The following NXPH4 variants were observed in gnomAD, a reference collection of about 807,000 sequenced individuals.
NXPH4 encodes neurexophilin-4.
Under a neutral mutation model 21.3 loss-of-function variants are expected in NXPH4, and 8 were observed. The ratio of observed to expected loss-of-function variants is 0.38; its 90% CI spans 0.22 to 0.68. The LOEUF is 0.68. Among genes scored for constraint, NXPH4 ranks in the 30% least tolerant of loss-of-function variants. The pLI, the probability that NXPH4 is intolerant of heterozygous loss-of-function variation, is 0.53. For synonymous variants in NXPH4, 219 were observed against 192.6 expected (o/e 1.14, Z -1.13); for missense variants, 418 against 416.8 (o/e 1.00, Z -0.03).
chr12:57,218,840 T>C (rs1043067421), intron 1 of NXPH4, among the ~76,000 whole-genome samples: 2 of 152,194 alleles, frequency 1.3e-5, no homozygotes, highest in African/African-American at 4.8e-5. Flanking sequence ...TGTTTGTGTG[T>C]CCAAATACCT....
In NXPH4 at chr12:57,225,826, G is replaced by A. The variant is rs1158379656; in HGVS notation, c.*79G>A. On this transcript the variant is annotated 3_prime_UTR_variant, in exon 2 of 2. Coordinates refer to ENST00000349394, the MANE Select transcript of NXPH4 (RefSeq NM_007224.4). ...GGGACCCCCTTCCCAGTGTTCTGCC[G>A]CTCCTGTGGCCATGTCGCCCACTCC... is the stretch of plus-strand genomic sequence containing the variant. 7 of 1,534,808 alleles carry A rather than the reference G, an allele frequency of 4.6e-6. No individual in the cohort carries two copies. The highest frequency in any genetic ancestry group is 1.4e-5 in the African/African-American group (1 of 72,804).
chr12:57,225,008 G>A lies in NXPH4; in HGVS notation c.188G>A (p.Arg63His). 1.3e-6 allele frequency: 2 copies of A among 1,493,188 alleles called. No homozygotes were observed. The highest frequency in any genetic ancestry group is 1.8e-6 in the Non-Finnish European group (2 of 1,121,218). The allele number at this position is 1,493,188 out of a possible 1,614,324, so 92.5% of individuals were successfully genotyped here. The change falls in exon 2 of 2, where the codon CGC (arginine) becomes CAC (histidine). Residue 63 changes from arginine to histidine, a missense_variant. Arg to His is a conservative substitution (Grantham distance 29). Transcript: ENST00000349394. ...PRSSDGLGVG[R>H]AWSWAWPTNH... ...TCTTCGGACGGCCTAGGCGTGGGCC[G>A]CGCCTGGAGCTGGGCCTGGCCGACC...
chr12:57,225,007 C>G lies in NXPH4; in HGVS notation c.187C>G (p.Arg63Gly). 6.7e-7 allele frequency: 1 copy of G among 1,495,518 alleles called. No homozygotes were observed. The highest frequency in any genetic ancestry group is 8.9e-7 in the Non-Finnish European group (1 of 1,122,628). 92.6% of individuals were successfully genotyped at this position (1,495,518 alleles called of 1,614,324 possible). The change falls in exon 2 of 2, where the codon CGC becomes GGC. Residue 63 changes from arginine to glycine, a missense_variant. Transcript: ENST00000349394. ...GTCTTCGGACGGCCTAGGCGTGGGC[C>G]GCGCCTGGAGCTGGGCCTGGCCGAC... ...PRSSDGLGVGRAWSWAWPTNH... is the reference protein window; with the variant it reads ...PRSSDGLGVGGAWSWAWPTNH...
chr12:57,225,988 G>A lies in NXPH4; in HGVS notation c.*241G>A. On this transcript the variant is annotated 3_prime_UTR_variant, in exon 2 of 2. Coordinates refer to ENST00000349394, the MANE Select transcript of NXPH4 (RefSeq NM_007224.4). ...CCAAAGTGAAAGGGATAAGAGTGCA[G>A]CCCCAGAATAGGCGGGGCTTGGAGG... The A allele has an allele frequency of 2.2e-6, 3 of 1,363,706 alleles. No individual in the cohort carries two copies. Among genetic ancestry groups the A allele is most frequent in the South Asian group, 3.4e-5 (2 of 59,624 alleles). The allele number at this position is 1,363,706 out of a possible 1,614,324, so 84.5% of individuals were successfully genotyped here. A position where few individuals can be genotyped will look rare whatever the true frequency, so the allele number is the denominator to read the frequency against.
Position 57,225,171 on chromosome 12 carries a change from C to A in NXPH4, c.351C>A (p.Thr117=). The A allele has an allele frequency of 6.3e-7, 1 of 1,590,166 alleles. No individual in the cohort carries two copies. The highest frequency in any genetic ancestry group is 8.6e-7 in the Non-Finnish European group (1 of 1,168,304). The part of the protein sequence containing the change: ...GWGDFYFRVH[T]LKFSLLVTGK... ...GGGACTTCTACTTTCGGGTGCATAC[C>A]CTCAAGTTTTCGCTGCTGGTGACCG... is the stretch of plus-strand genomic sequence containing the variant. Residue 117 remains threonine (T), a synonymous_variant, in exon 2 of 2, where the codon ACC becomes ACA. Transcript: ENST00000349394.
chr12:57,222,492 C>G (rs191357266), intron 1 of NXPH4, among the ~76,000 whole-genome samples: 35 of 152,254 alleles, frequency 2.3e-4, no homozygotes, highest in Admixed American at 7.2e-4. Context: ...CATTTGGGGT[C>G]ATAACATCTG....
rs1327021151 is a variant in NXPH4 at position 57,225,276 on chromosome 12, C to T, written c.456C>T (p.Val152=). 6.5e-7 allele frequency: 1 copy of T among 1,550,072 alleles called. No homozygotes were observed. Among genetic ancestry groups the T allele is most frequent in the African/African-American group, 1.4e-5 (1 of 73,032 alleles). The change falls in exon 2 of 2, where the codon GTC becomes GTT. Residue 152 remains valine, a synonymous_variant. Coordinates refer to ENST00000349394, the MANE Select transcript of NXPH4 (RefSeq NM_007224.4). Reference sequence around the variant, plus strand: ...CGTCCAGCCTGGGCAACCTCAGTGTCAGCATCGTGCCGCCCTCCAAGCGTG... The same window carrying T: ...CGTCCAGCCTGGGCAACCTCAGTGTTAGCATCGTGCCGCCCTCCAAGCGTG... ...HNSSSLGNLS[V]SIVPPSKRVE...
intron 1 of NXPH4, among the ~76,000 whole-genome samples, chr12:57,224,197 C>T (rs1461816860): frequency 6.6e-6 from 1 of 152,072 alleles, no homozygotes; most frequent in Non-Finnish European, 1.5e-5. Flanking sequence ...GCGATCTAGG[C>T]TTACTGCAAC....
intron 1 of NXPH4, among the ~76,000 whole-genome samples, chr12:57,219,467 CT>C (rs1057372061): frequency 1.3e-5 from 2 of 152,192 alleles, no homozygotes; most frequent in African/African-American, 4.8e-5. Flanking sequence ...TCACTAATTA[CT>C]AATTAGCTGG....
chr12:57,224,832 C>T lies in NXPH4; in HGVS notation c.58-46C>T, dbSNP rs755067372. ...CGTCGATAGGGCTCTGGCAGGATGGCGGGGGACAACCCCAGCGTCTCTCTC... is the reference window on the plus strand; with the variant it reads ...CGTCGATAGGGCTCTGGCAGGATGGTGGGGGACAACCCCAGCGTCTCTCTC... On this transcript the variant is annotated intron_variant, in intron 1 of 1. Coordinates refer to ENST00000349394, the MANE Select transcript of NXPH4 (RefSeq NM_007224.4). The T allele has an allele frequency of 6.7e-6, 4 of 597,074 alleles. No individual in the cohort carries two copies. In the South Asian group the frequency reaches 1.2e-4, roughly 18 times the overall value. The allele number at this position is 597,074 out of a possible 1,614,324, so 37.0% of individuals were successfully genotyped here.
At chr12:57,221,684 C>G (rs1367540397) in intron 1 of NXPH4, 1 of 283,770 alleles carries the variant, frequency 3.5e-6, no homozygotes, top group African/African-American at 2.2e-5. Flanking sequence ...CAGCGCTAGC[C>G]TCTCCCCTCC....
chr12:57,223,624 C>T (rs1176832434), intron 1 of NXPH4, among the ~76,000 whole-genome samples: 4 of 152,262 alleles, frequency 2.6e-5, no homozygotes, highest in African/African-American at 4.8e-5. Context: ...GGCCACAGCA[C>T]GCGGCGGTGG....
rs556336344 is a variant in NXPH4 at position 57,224,165 on chromosome 12, G to A, written c.58-713G>A. Reference sequence around the variant, plus strand: ...TTCTGAGAGGGAGTCTCGCTCTGTCGCCCAGGCTGGAGTGCAATGGTGCGA... The same window carrying A: ...TTCTGAGAGGGAGTCTCGCTCTGTCACCCAGGCTGGAGTGCAATGGTGCGA... On this transcript the variant is annotated intron_variant, in intron 1 of 1. Transcript: ENST00000349394. Among the ~76,000 whole-genome samples, 9 of 151,108 alleles carry A rather than the reference G, an allele frequency of 6.0e-5. No homozygotes were observed. In the South Asian group the frequency reaches 6.3e-4, roughly 11 times the overall value.
intron 1 of NXPH4, among the ~76,000 whole-genome samples, chr12:57,220,675 C>T (rs1476657854): frequency 6.6e-6 from 1 of 152,120 alleles, no homozygotes; most frequent in East Asian, 1.9e-4. Flanking sequence ...CTCCCACAGC[C>T]TGATCCTGCC....
intron 1 of NXPH4, among the ~76,000 whole-genome samples, chr12:57,222,871 C>T (rs376710801): frequency 5.3e-5 from 8 of 152,146 alleles, no homozygotes; most frequent in African/African-American, 1.7e-4. Context: ...ATATGTATGA[C>T]GAGCGGGTGG....
chr12:57,216,938 G>C lies in NXPH4; in HGVS notation c.-32G>C, dbSNP rs780192230. The C allele has an allele frequency of 5.2e-6, 8 of 1,539,088 alleles. No individual in the cohort carries two copies. The highest frequency in any genetic ancestry group is 6.1e-6 in the Non-Finnish European group (7 of 1,142,252). ...CCTGGCTCCCGCCTGCCCGAGACCC[G>C]CCCAGCCTGCCCCGCTCAGCCGCCA... is the stretch of plus-strand genomic sequence containing the variant. On this transcript the variant is annotated 5_prime_UTR_variant, in exon 1 of 2. Coordinates refer to ENST00000349394, the MANE Select transcript of NXPH4 (RefSeq NM_007224.4). This position sits in a 1 kb window ranked among gnomAD's most constrained non-coding sequence, Gnocchi z 5.3.
chr12:57,217,075 C>A, intron 1 of NXPH4, 49 bp downstream of exon 1: 1 of 1,518,402 alleles, frequency 6.6e-7, no homozygotes, highest in South Asian at 1.2e-5. Context: ...GGTTCCGGGA[C>A]GCGAAGGTCC....
At position 57,225,287 on chromosome 12, in the gene NXPH4, C is replaced by T. The variant is rs1428417884; in HGVS notation, c.467C>T (p.Pro156Leu). The T allele has an allele frequency of 3.9e-6, 6 of 1,551,586 alleles. No individual in the cohort carries two copies. The highest frequency in any genetic ancestry group is 5.2e-6 in the Non-Finnish European group (6 of 1,150,036). ...SLGNLSVSIV[P>L]PSKRVEFGGV... is the part of the protein sequence containing the mutation. Reference sequence around the variant, plus strand: ...GGCAACCTCAGTGTCAGCATCGTGCCGCCCTCCAAGCGTGTCGAGTTCGGA... The same window carrying T: ...GGCAACCTCAGTGTCAGCATCGTGCTGCCCTCCAAGCGTGTCGAGTTCGGA... The change falls in exon 2 of 2, where the codon CCG becomes CTG. Residue 156 changes from proline (P) to leucine (L), a missense_variant. By Grantham distance (98) the Pro-to-Leu change is moderately conservative. Coordinates refer to ENST00000349394, the MANE Select transcript of NXPH4 (RefSeq NM_007224.4).
intron 1 of NXPH4, among the ~76,000 whole-genome samples, chr12:57,219,148 C>T (rs1230275548): frequency 6.6e-6 from 1 of 152,092 alleles, no homozygotes; most frequent in Non-Finnish European, 1.5e-5. Flanking sequence ...GGCTAGGGGA[C>T]AGTTTACAGG....
Sources: gnomAD v4.1 joint callset for allele counts (sites outside exome capture counted in the v4.1 genomes callset) on GRCh38, gnomAD v4.1.1 for gene constraint, Gnocchi (gnomAD v3.1) non-coding constraint, MANE v1.5 for transcripts, NCBI Gene and HGNC (gene_info 2026-07-23, HGNC 2026-07-21) for gene names.